The following XPO7 variants were observed in gnomAD, a reference collection of about 807,000 sequenced individuals.
XPO7 encodes the protein exportin 7.
In XPO7, 21 loss-of-function variants were observed where a neutral mutation model predicts 144.3. The observed-to-expected ratio is 0.15, with a 90% CI of 0.10 to 0.21. XPO7 has a LOEUF of 0.21. Ranked by LOEUF, XPO7 falls within the 10% of genes least tolerant of loss-of-function variation. The probability of loss-of-function intolerance (pLI) is 1.00; values close to 1 mark genes in which losing one functional copy is unlikely to be tolerated. For synonymous variants in XPO7, 580 were observed against 499.6 expected, an observed-to-expected ratio of 1.16 and a Z score of -2.15; for missense variants, 808 against 1,325.8, an observed-to-expected ratio of 0.61 and a Z score of 6.06.
chr8:21,930,173 G>A (rs1280644550), intron 1 of XPO7, among the ~76,000 whole-genome samples: 1 of 152,134 alleles, frequency 6.6e-6, no homozygotes, highest in African/African-American at 2.4e-5. Flanking sequence ...TGTATTTTAT[G>A]TACACCCTAA....
intron 11 of XPO7, 28 bp downstream of exon 11, chr8:21,982,840 C>A (rs1032022320): frequency 6.4e-7 from 1 of 1,571,134 alleles, no homozygotes; most frequent in Admixed American, 1.9e-5. Context: ...CATTCATTCC[C>A]GCACCAGTGG....
At chr8:21,922,334 T>C (rs1164260532) in intron 1 of XPO7, among the ~76,000 whole-genome samples, 1 of 152,182 alleles carries the variant, frequency 6.6e-6, no homozygotes, top group Non-Finnish European at 1.5e-5. Flanking sequence ...AATTATAATA[T>C]TTGGATTGCC....
chr8:22,003,166 C>T, intron 25 of XPO7, 53 bp from the exon 26 acceptor site: 2 of 1,420,686 alleles, frequency 1.4e-6, no homozygotes, highest in African/African-American at 1.4e-5. Flanking sequence ...GTCGTTTTAT[C>T]TTGGGTAGCA....
chr8:21,975,430 C>G (rs192744444), intron 6 of XPO7, among the ~76,000 whole-genome samples: 96 of 152,260 alleles, frequency 6.3e-4, no homozygotes, highest in African/African-American at 2.2e-3. Context: ...GCTGGGAGTT[C>G]CACACAGTTG....
intron 1 of XPO7, among the ~76,000 whole-genome samples, chr8:21,950,724 G>C (rs1811341935): frequency 6.6e-6 from 1 of 152,086 alleles, no homozygotes; most frequent in Non-Finnish European, 1.5e-5. Flanking sequence ...TTGTTTTTCA[G>C]AAGCCTTTCC....
chr8:21,919,711 T>A lies in XPO7; in HGVS notation c.-60T>A. On this transcript the variant is annotated 5_prime_UTR_variant, in exon 1 of 28. Coordinates refer to ENST00000252512, the MANE Select transcript of XPO7 (RefSeq NM_015024.5). Reference sequence around the variant, plus strand: ...CGTCGGCGGCGGCGGCGGCAGCGGCTCCGGCCGAGGTGCGCGCTGGGGGGG... The same window carrying A: ...CGTCGGCGGCGGCGGCGGCAGCGGCACCGGCCGAGGTGCGCGCTGGGGGGG... 1 of 224,864 alleles carries A rather than the reference T, an allele frequency of 4.4e-6. No individual in the cohort carries two copies. The allele number at this position is 224,864 out of a possible 1,614,324, so 13.9% of individuals were successfully genotyped here. A position where few individuals can be genotyped will look rare whatever the true frequency, so the allele number is the denominator to read the frequency against.
chr8:21,988,297 C>A, intron 15 of XPO7: 1 of 176,110 alleles, frequency 5.7e-6, no homozygotes, highest in Non-Finnish European at 1.2e-5. Flanking sequence ...CAGGAAACAT[C>A]ACACCCTTTA....
At position 21,934,309 on chromosome 8, in the gene XPO7, G is replaced by A. The variant is rs547101155; in HGVS notation, c.18+14521G>A. Among the ~76,000 whole-genome samples, 19 of 152,268 alleles carry A rather than the reference G, an allele frequency of 1.2e-4. No individual in the cohort carries two copies. In the South Asian group the frequency reaches 2.9e-3, roughly 23 times the overall value. Reference sequence around the variant, plus strand: ...AGCACTTTGGGAGGCCGAGGTGGGCGGATCACCTGAGGTCGGGAGTTTGAG... The same window carrying A: ...AGCACTTTGGGAGGCCGAGGTGGGCAGATCACCTGAGGTCGGGAGTTTGAG... On this transcript the variant is annotated intron_variant, in intron 1 of 27. Transcript: ENST00000252512.
rs756242609 is a variant in XPO7, at chr8:21,925,876, A to G, written c.18+6088A>G. Among the ~76,000 whole-genome samples the G allele has an allele frequency of 4.6e-5, 7 of 152,230 alleles. No homozygotes were observed. In the East Asian group the frequency reaches 1.2e-3, roughly 25 times the overall value. ...CATTTCCATTTTATCTATCTTAAAT[A>G]TATCTTCCTCTTCTTTACGCCTAAT... On this transcript the variant is annotated intron_variant, in intron 1 of 27. Coordinates refer to ENST00000252512, the MANE Select transcript of XPO7 (RefSeq NM_015024.5).
chr8:21,981,143 A>C (rs1418645599), intron 9 of XPO7, among the ~76,000 whole-genome samples: 1 of 152,252 alleles, frequency 6.6e-6, no homozygotes, highest in African/African-American at 2.4e-5. Context: ...TAACAGAAGA[A>C]GACATATCAG....
At chr8:21,982,218 C>G (rs1812430661) in intron 10 of XPO7, among the ~76,000 whole-genome samples, 1 of 152,160 alleles carries the variant, frequency 6.6e-6, no homozygotes, top group Non-Finnish European at 1.5e-5. Flanking sequence ...TAATATAGAA[C>G]AATGGGTCTC....
At chr8:21,958,063 A>C (rs1189726149) in intron 1 of XPO7, among the ~76,000 whole-genome samples, 1 of 152,242 alleles carries the variant, frequency 6.6e-6, no homozygotes, top group African/African-American at 2.4e-5. Context: ...CGTTTGAGAC[A>C]GTTGTACAGA....
rs904647497 is a variant in XPO7 at position 21,984,599 on chromosome 8, G to A, written c.1278-47G>A. The stretch of plus-strand genomic sequence containing the variant: ...GAGAGCTGCTATATTGGGCAAATCA[G>A]TAGTCATATTTTAAGAGAGCTGCCT... On this transcript the variant is annotated intron_variant, in intron 11 of 27. Coordinates refer to ENST00000252512, the MANE Select transcript of XPO7 (RefSeq NM_015024.5). The A allele has an allele frequency of 3.9e-6, 6 of 1,519,090 alleles. No homozygotes were observed. The African/African-American group carries it at 8.2e-5, about 21-fold the overall frequency. 94.1% of individuals were successfully genotyped at this position (1,519,090 alleles called of 1,614,324 possible). A position where few individuals can be genotyped will look rare whatever the true frequency, so the allele number is the denominator to read the frequency against.
rs117622735 is a variant in XPO7, at chr8:21,923,345, T to G, written c.18+3557T>G. Reference sequence around the variant, plus strand: ...GAAAGAATACATTGATTTCAAAACATGCTACATCTGTGTTGGGTGATAAGC... The same window carrying G: ...GAAAGAATACATTGATTTCAAAACAGGCTACATCTGTGTTGGGTGATAAGC... On this transcript the variant is annotated intron_variant, in intron 1 of 27. Transcript: ENST00000252512. Among the ~76,000 whole-genome samples the G allele has an allele frequency of 1.6e-3, 251 of 152,310 alleles. 2 individuals are homozygous for G. The highest frequency in any genetic ancestry group is 1.2e-3 in the Non-Finnish European group (81 of 68,028).
intron 1 of XPO7, among the ~76,000 whole-genome samples, chr8:21,945,195 G>GC (rs1049741612): frequency 3.3e-5 from 5 of 151,876 alleles, no homozygotes; most frequent in East Asian, 3.9e-4. Flanking sequence ...GGGCAGAGGC[G>GC]CCCCCCACCT....
chr8:21,984,827 G>A lies in XPO7; in HGVS notation c.1459G>A (p.Ala487Thr), dbSNP rs763225284. Residue 487 changes from alanine (A) to threonine (T), a missense_variant, in exon 12 of 28, where the codon GCA becomes ACA. This residue lies in a region of XPO7 where 416 missense variants were observed against 612.5 expected (regional missense o/e 0.68). Coordinates refer to ENST00000252512, the MANE Select transcript of XPO7 (RefSeq NM_015024.5). ...QSASASPMDI[A>T]VQEGRLTWLV... ...CGCCAGCGCAAGCCCAATGGACATT[G>A]CAGTGCAGGAGGGTGAGTGTGCAGC... 2.5e-6 allele frequency: 4 copies of A among 1,613,802 alleles called. No homozygotes were observed. Among genetic ancestry groups the A allele is most frequent in the Non-Finnish European group, 3.4e-6 (4 of 1,179,866 alleles).
intron 13 of XPO7, among the ~76,000 whole-genome samples, chr8:21,986,132 A>G (rs932102128): frequency 2.0e-5 from 3 of 151,192 alleles, no homozygotes; most frequent in African/African-American, 7.3e-5. Context: ...CATTTTATCA[A>G]AACTTTTTTT....
At chr8:21,949,276 G>A (rs760622940) in intron 1 of XPO7, among the ~76,000 whole-genome samples, 1 of 152,132 alleles carries the variant, frequency 6.6e-6, no homozygotes, top group African/African-American at 2.4e-5. Context: ...AGGGTAGCAC[G>A]AGTCATGGGG....
In XPO7 at chr8:21,979,941, T is replaced by C. The variant is rs979608963; in HGVS notation, c.838-143T>C. On this transcript the variant is annotated intron_variant, in intron 8 of 27. Transcript: ENST00000252512. ...AATGGGCTGCCGTGGTCTGCTTGGATCTATGTTCTTTTCTTTTCTCTTTTT... is the reference window on the plus strand; with the variant it reads ...AATGGGCTGCCGTGGTCTGCTTGGACCTATGTTCTTTTCTTTTCTCTTTTT... The C allele has an allele frequency of 9.5e-6, 10 of 1,052,892 alleles. No individual in the cohort carries two copies. In the African/African-American group the frequency reaches 1.6e-4, roughly 17 times the overall value. 65.2% of individuals were successfully genotyped at this position (1,052,892 alleles called of 1,614,324 possible). A position where few individuals can be genotyped will look rare whatever the true frequency, so the allele number is the denominator to read the frequency against.
Sources: allele counts gnomAD v4.1 joint callset (sites outside exome capture counted in the v4.1 genomes callset), GRCh38; gene constraint gnomAD v4.1.1; regional missense constraint gnomAD v4.1.1; transcripts MANE v1.5; gene names NCBI Gene and HGNC (gene_info 2026-07-23, HGNC 2026-07-21).